Variants in ADGRG4 observed in about 807,000 individuals in gnomAD.
The protein encoded by ADGRG4 is G protein-coupled receptor 112.
Under a neutral mutation model 126.2 loss-of-function variants are expected in ADGRG4, and 122 were observed. That is an observed-to-expected ratio of 0.97 (90% confidence interval 0.83 to 1.12). The LOEUF is 1.12. Among genes scored for constraint, ADGRG4 ranks in the 50% most tolerant of loss-of-function variants. ADGRG4 has a pLI of 0.00. For missense variants in ADGRG4, 2,481 were observed against 2,251.8 expected (o/e 1.10, Z -2.06); for synonymous variants, 943 against 838.7 (o/e 1.12, Z -2.15).
chrX:136,415,678 G>C (rs938449761), intron 25 of ADGRG4, among the ~76,000 whole-genome samples: 2 of 111,703 alleles, frequency 1.8e-5, no homozygotes, highest in Middle Eastern at 9.3e-3. Context: ...ACAAGGCATG[G>C]GTTGTGGGAG....
At chrX:136,402,042 G>A (rs1031002414) in intron 21 of ADGRG4, among the ~76,000 whole-genome samples, 15 of 112,351 alleles carry the variant, frequency 1.3e-4, no homozygotes, top group African/African-American at 4.8e-4. Context: ...CCACAGCTGA[G>A]CTGTCCCACT....
intron 14 of ADGRG4, among the ~76,000 whole-genome samples, chrX:136,372,067 T>C (rs1381311322): frequency 1.8e-5 from 2 of 111,630 alleles, no homozygotes; most frequent in African/African-American, 6.5e-5. Context: ...CAAATTCGAA[T>C]TGAATCTTAG....
intron 5 of ADGRG4, among the ~76,000 whole-genome samples, chrX:136,324,078 C>T (rs183035854): frequency 2.7e-5 from 3 of 111,896 alleles, no homozygotes; most frequent in South Asian, 3.8e-4. Context: ...CTCAGTTCAT[C>T]ACATCAGTAG....
At chrX:136,366,787 G>C (rs935642373) in intron 13 of ADGRG4, among the ~76,000 whole-genome samples, 2 of 111,943 alleles carry the variant, frequency 1.8e-5, no homozygotes, top group Non-Finnish European at 3.8e-5. Context: ...AATGACATAT[G>C]ATGATGAATA....
At chrX:136,358,222 G>C (rs910442040) in intron 10 of ADGRG4, among the ~76,000 whole-genome samples, 10 of 110,797 alleles carry the variant, frequency 9.0e-5, no homozygotes, top group Non-Finnish European at 1.5e-4. Context: ...TTGAAATGGA[G>C]TAGAGGGTCT....
chrX:136,406,746 T>C (rs1307306242), intron 23 of ADGRG4, among the ~76,000 whole-genome samples: 1 of 110,558 alleles, frequency 9.0e-6, no homozygotes, highest in Non-Finnish European at 1.9e-5. Context: ...AAACCCCGTC[T>C]CTACTAAAAA....
intron 5 of ADGRG4, among the ~76,000 whole-genome samples, chrX:136,343,470 C>T (rs2074991928): frequency 9.0e-6 from 1 of 111,203 alleles, no homozygotes; most frequent in Admixed American, 9.5e-5. Context: ...AAATTGAAAT[C>T]CTAGGTGTAG....
intron 9 of ADGRG4, among the ~76,000 whole-genome samples, chrX:136,356,743 A>G (rs1171686332): frequency 8.9e-6 from 1 of 112,416 alleles, no homozygotes; most frequent in Non-Finnish European, 1.9e-5. Context: ...CACACCTGTA[A>G]TCCCAGAGAT....
intron 5 of ADGRG4, among the ~76,000 whole-genome samples, chrX:136,336,725 A>G (rs1036020277): frequency 8.9e-6 from 1 of 111,960 alleles, no homozygotes; most frequent in African/African-American, 3.2e-5. Context: ...ACCTACCTAT[A>G]TGATGATATT....
At chrX:136,330,797 C>T (rs1489844928) in intron 5 of ADGRG4, among the ~76,000 whole-genome samples, 1 of 111,193 alleles carries the variant, frequency 9.0e-6, no homozygotes, top group Non-Finnish European at 1.9e-5. Flanking sequence ...TCATGGTACC[C>T]ATCCCCTCAA....
chrX:136,379,433 C>G (rs1240236893), intron 15 of ADGRG4, among the ~76,000 whole-genome samples: 2 of 108,228 alleles, frequency 1.8e-5, no homozygotes, highest in African/African-American at 6.7e-5. Flanking sequence ...CTCCGTTCCT[C>G]TTGCCCCCTG....
chrX:136,314,289 G>T (rs912487885), intron 4 of ADGRG4, among the ~76,000 whole-genome samples: 7 of 111,120 alleles, frequency 6.3e-5, no homozygotes, highest in African/African-American at 2.3e-4. Context: ...CTCAAAACTT[G>T]CCAATAAGTT....
intron 15 of ADGRG4, among the ~76,000 whole-genome samples, chrX:136,373,960 G>A (rs1255350929): frequency 9.0e-6 from 1 of 111,208 alleles, no homozygotes; most frequent in Non-Finnish European, 1.9e-5. Flanking sequence ...GCAAGATTCT[G>A]TATTTTTAAA....
chrX:136,395,680 C>G lies in ADGRG4; in HGVS notation c.8184+187C>G, dbSNP rs1368244198. Among the ~76,000 whole-genome samples the G allele has an allele frequency of 3.6e-5, 4 of 112,076 alleles. No individual in the cohort carries two copies. In the East Asian group the frequency reaches 1.1e-3, roughly 31 times the overall value. ...ATTTATTCTCCTTATAAAATTAATG[C>G]TTGCTTCTCAAATTTCAAACAGTAC... is the stretch of plus-strand genomic sequence containing the variant. On this transcript the variant is annotated intron_variant, in intron 19 of 25. Transcript: ENST00000394143.
chrX:136,322,562 T>C (rs1362875843), intron 4 of ADGRG4, among the ~76,000 whole-genome samples: 1 of 111,546 alleles, frequency 9.0e-6, no homozygotes, highest in Non-Finnish European at 1.9e-5. Flanking sequence ...CCAGGCAAAA[T>C]ATAATTAGGA....
intron 5 of ADGRG4, among the ~76,000 whole-genome samples, chrX:136,334,660 T>C (rs2074938407): frequency 8.9e-6 from 1 of 112,474 alleles, no homozygotes; most frequent in Non-Finnish European, 1.9e-5. Context: ...TTGTTAAGTG[T>C]ATACCTAAGT....
At chrX:136,409,654 C>T (rs1458427157) in intron 23 of ADGRG4, among the ~76,000 whole-genome samples, 1 of 111,582 alleles carries the variant, frequency 9.0e-6, no homozygotes, top group Admixed American at 9.5e-5. Context: ...GGAGAGTTAG[C>T]GAGACATGCC....
intron 5 of ADGRG4, among the ~76,000 whole-genome samples, chrX:136,335,502 T>C (rs1054614511): frequency 9.0e-6 from 1 of 111,215 alleles, no homozygotes; most frequent in African/African-American, 3.3e-5. Context: ...GCCTGGAGAT[T>C]ATTTTGTGAA....
chrX:136,410,301 T>G (rs2075438706), intron 23 of ADGRG4, among the ~76,000 whole-genome samples: 1 of 111,641 alleles, frequency 9.0e-6, no homozygotes. Flanking sequence ...TTCACTATCC[T>G]TCTTCACCGT....
Sources: gnomAD v4.1 joint callset for allele counts (sites outside exome capture counted in the v4.1 genomes callset) on GRCh38, gnomAD v4.1.1 for gene constraint, MANE v1.5 for transcripts, NCBI Gene and HGNC (gene_info 2026-07-23, HGNC 2026-07-21) for gene names.